The following KDM4B variants were observed in gnomAD, a reference collection of about 807,000 sequenced individuals.
KDM4B encodes the protein lysine demethylase 4B.
KDM4B carries 32 observed loss-of-function variants against 125.2 expected under a neutral mutation model. The ratio of observed to expected loss-of-function variants is 0.26; its 90% CI spans 0.19 to 0.34. The LOEUF (loss-of-function observed/expected upper bound fraction) is 0.34, where lower values mean the gene tolerates loss of function less well. KDM4B is among the 10% of genes least tolerant of loss of function. The probability of loss-of-function intolerance (pLI) is 1.00; values close to 1 mark genes in which losing one functional copy is unlikely to be tolerated. For missense variants in KDM4B, 1,190 were observed against 1,577.7 expected (o/e 0.75, Z 4.16); for synonymous variants, 721 against 677.9 (o/e 1.06, Z -0.99).
At chr19:4,973,923 A>G (rs1231671232) in intron 1 of KDM4B, among the ~76,000 whole-genome samples, 2 of 151,284 alleles carry the variant, frequency 1.3e-5, no homozygotes, top group Non-Finnish European at 2.9e-5. Context: ...TGAGGTCAGG[A>G]GTTCGAGAAC....
intron 6 of KDM4B, among the ~76,000 whole-genome samples, chr19:5,066,512 G>A (rs144804890): frequency 0.025 from 3,855 of 152,304 alleles, 61 homozygotes; most frequent in Admixed American, 0.035. Context: ...GTGACCTCAC[G>A]TGTCTTGTGT....
chr19:5,107,848 G>A (rs940650880), intron 9 of KDM4B, among the ~76,000 whole-genome samples: 2 of 152,246 alleles, frequency 1.3e-5, no homozygotes, highest in African/African-American at 4.8e-5. Context: ...CTCGAAGGCT[G>A]TGCTTCCCTC....
chr19:5,107,071 G>A (rs944506462), intron 9 of KDM4B, among the ~76,000 whole-genome samples: 3 of 152,174 alleles, frequency 2.0e-5, no homozygotes, highest in African/African-American at 7.2e-5. Flanking sequence ...TCCTGGTCTC[G>A]GACCTCCACC....
At position 4,969,492 on chromosome 19, in the gene KDM4B, G is replaced by A. The variant is rs867257136; in HGVS notation, c.-109+262G>A. On this transcript the variant is annotated intron_variant, in intron 1 of 22. Transcript: ENST00000159111. ...TGGCGGGGCGCGCCCAGGGGCGGGA[G>A]CGGGGGCCCCTTCCCGGGCCGGGGG... Among the ~76,000 whole-genome samples the A allele has an allele frequency of 7.3e-4, 109 of 149,488 alleles. No individual in the cohort carries two copies. The Middle Eastern group carries it at 0.021, about 28-fold the overall frequency.
intron 6 of KDM4B, among the ~76,000 whole-genome samples, chr19:5,069,639 A>G (rs1599551051): frequency 6.6e-6 from 1 of 151,116 alleles, no homozygotes; most frequent in Admixed American, 6.6e-5. Context: ...TTTGAGACAG[A>G]GTCTCACTCT....
At position 5,036,172 on chromosome 19, in the gene KDM4B, C is replaced by T. The variant is rs575389744; in HGVS notation, c.141+3141C>T. ...GAGCTGTGGGGGTGTTGGGGTCCCC[C>T]TCTCACCCTGGTCTGCCTGCCTTGA... On this transcript the variant is annotated intron_variant, in intron 3 of 22. Transcript: ENST00000159111. Among the ~76,000 whole-genome samples the T allele has an allele frequency of 2.7e-3, 405 of 152,200 alleles. 1 individual carries two copies. The highest frequency in any genetic ancestry group is 4.3e-3 in the Non-Finnish European group (289 of 67,992).
chr19:5,090,635 GCGCCCCCCTC>G (rs2038679472), intron 9 of KDM4B, among the ~76,000 whole-genome samples: 1 of 108,964 alleles, frequency 9.2e-6, no homozygotes, highest in Non-Finnish European at 1.9e-5. Flanking sequence ...CTGCGCGCGT[GCGCCCCCCTC>G]CGGCCCCCCC....
intron 21 of KDM4B, among the ~76,000 whole-genome samples, chr19:5,148,435 C>T (rs2039888896): frequency 1.3e-5 from 2 of 152,234 alleles, no homozygotes; most frequent in South Asian, 4.1e-4. Flanking sequence ...CGGATCTCTG[C>T]AGTCTTCCTG....
At chr19:5,040,297 C>T (rs2613732) in intron 4 of KDM4B, among the ~76,000 whole-genome samples, 11,294 of 152,222 alleles carry the variant, frequency 0.074, 1,366 homozygotes, top group African/African-American at 0.25. Flanking sequence ...CCACACCCTC[C>T]TGTGACACCT....
chr19:5,103,213 G>C (rs970164059), intron 9 of KDM4B, among the ~76,000 whole-genome samples: 3 of 152,272 alleles, frequency 2.0e-5, no homozygotes, highest in African/African-American at 7.2e-5. Flanking sequence ...CCCTTCCCCC[G>C]CTCTCTGCAG....
chr19:5,025,244 G>C (rs895271024), intron 2 of KDM4B, among the ~76,000 whole-genome samples: 2 of 152,240 alleles, frequency 1.3e-5, no homozygotes, highest in African/African-American at 4.8e-5. Context: ...CACTTTGGGA[G>C]GCCGAGATGA....
At chr19:5,008,806 C>G (rs2035640999) in intron 1 of KDM4B, among the ~76,000 whole-genome samples, 1 of 150,354 alleles carries the variant, frequency 6.7e-6, no homozygotes, top group Non-Finnish European at 1.5e-5. Context: ...TTTCACCATA[C>G]TGGCCAGGCT....
At chr19:5,052,074 A>G (rs1217470491) in intron 6 of KDM4B, among the ~76,000 whole-genome samples, 2 of 152,058 alleles carry the variant, frequency 1.3e-5, no homozygotes, top group Admixed American at 1.3e-4. Flanking sequence ...TGGGGAGGCC[A>G]GGGGAGAGGG....
intron 9 of KDM4B, among the ~76,000 whole-genome samples, chr19:5,092,411 CCCTT>C (rs1299468454): frequency 3.3e-5 from 5 of 152,210 alleles, no homozygotes; most frequent in African/African-American, 1.2e-4. Flanking sequence ...TCCCTGCGGG[CCCTT>C]CCTTCCTTTC....
Position 5,050,446 on chromosome 19 carries a change from G to A in KDM4B, c.626+2777G>A, listed in dbSNP as rs568770211. 7.2e-5 allele frequency among the ~76,000 whole-genome samples: 11 copies of A among 152,024 alleles called. 1 individual carries two copies. Among genetic ancestry groups the A allele is most frequent in the Non-Finnish European group, 1.0e-4 (7 of 67,882 alleles). On this transcript the variant is annotated intron_variant, in intron 6 of 22. Transcript: ENST00000159111. ...CGCAGCCCCTTCTGTCACCCAGGCC[G>A]GGGGGGCCGGAGTGCAGGTGGGTGT...
chr19:5,041,304 G>T (rs946105416), intron 5 of KDM4B, 53 bp downstream of exon 5: 2 of 1,424,272 alleles, frequency 1.4e-6, no homozygotes, highest in African/African-American at 1.4e-5. Flanking sequence ...GTGGGTGGTG[G>T]TGGGAGGGCC....
chr19:5,133,411 C>G (rs2039592725), intron 13 of KDM4B, among the ~76,000 whole-genome samples: 1 of 152,196 alleles, frequency 6.6e-6, no homozygotes, highest in African/African-American at 2.4e-5. Flanking sequence ...CCACCTAAGA[C>G]AGGAAGGACA....
At chr19:5,120,594 G>A (rs1408871705) in intron 11 of KDM4B, among the ~76,000 whole-genome samples, 1 of 152,220 alleles carries the variant, frequency 6.6e-6, no homozygotes, top group Non-Finnish European at 1.5e-5. Context: ...ACCTTCCCCA[G>A]GGGGAGGTTT....
chr19:5,019,102 A>AGGTGTTGGTGTG (rs1257653695), intron 2 of KDM4B, among the ~76,000 whole-genome samples: 67 of 124,464 alleles, frequency 5.4e-4, no homozygotes, highest in African/African-American at 1.9e-3. Flanking sequence ...GTTGGTGTGC[A>AGGTGTTGGTGTG]GGTGTTGGTG....
Sources: allele counts gnomAD v4.1 joint callset (sites outside exome capture counted in the v4.1 genomes callset), GRCh38; gene constraint gnomAD v4.1.1; transcripts MANE v1.5; gene names NCBI Gene and HGNC (gene_info 2026-07-23, HGNC 2026-07-21).